The following DIP2C variants were observed in gnomAD, a reference collection of about 807,000 sequenced individuals.
The protein encoded by DIP2C is disco-interacting protein 2 homolog C.
In DIP2C, 33 loss-of-function variants were observed where a neutral mutation model predicts 192.4. The observed-to-expected ratio is 0.17, with a 90% CI of 0.13 to 0.23. DIP2C has a LOEUF of 0.23. Ranked by LOEUF, DIP2C falls within the 10% of genes least tolerant of loss-of-function variation. The pLI is 1.00. For missense variants in DIP2C, 1,537 were observed against 2,110.1 expected (o/e 0.73, Z 5.32); for synonymous variants, 979 against 864.1 (o/e 1.13, Z -2.33).
At chr10:285,923 C>T (rs1341908798) in intron 34 of DIP2C, among the ~76,000 whole-genome samples, 1 of 152,202 alleles carries the variant, frequency 6.6e-6, no homozygotes, top group Non-Finnish European at 1.5e-5. Flanking sequence ...CTGCCACTTT[C>T]CTGGTGAAGG....
intron 1 of DIP2C, among the ~76,000 whole-genome samples, chr10:496,500 C>CTG (rs1481620757): frequency 1.3e-5 from 2 of 151,558 alleles, no homozygotes; most frequent in African/African-American, 2.4e-5. Flanking sequence ...ACAGTGCCCT[C>CTG]CCGTGTACTT....
intron 10 of DIP2C, among the ~76,000 whole-genome samples, chr10:395,885 T>C (rs915672621): frequency 6.6e-6 from 1 of 152,190 alleles, no homozygotes; most frequent in Non-Finnish European, 1.5e-5. Context: ...TGAGAAGTCC[T>C]GGCCTCCTGA....
chr10:524,358 ATTAT>A (rs539226670), intron 1 of DIP2C, among the ~76,000 whole-genome samples: 119 of 152,354 alleles, frequency 7.8e-4, no homozygotes, highest in Admixed American at 1.9e-3. Context: ...CAGCAGGAAA[ATTAT>A]TTAATTACCT....
At chr10:390,985 C>G (rs1410032323) in intron 10 of DIP2C, 122 bp from the exon 11 acceptor site, 1 of 1,417,082 alleles carries the variant, frequency 7.1e-7, no homozygotes, top group African/African-American at 1.4e-5. Flanking sequence ...CAACCCCCAG[C>G]CCTGCTGCTT....
intron 1 of DIP2C, among the ~76,000 whole-genome samples, chr10:561,480 C>T (rs1304209715): frequency 6.6e-6 from 1 of 152,218 alleles, no homozygotes; most frequent in Non-Finnish European, 1.5e-5. Context: ...CGCAACCAAA[C>T]GTGATCAACA....
Position 414,739 on chromosome 10 carries a change from G to GTATATATATATATATATA in DIP2C, c.860-630_860-629insTATATATATATATATATA, listed in dbSNP as rs1554847955. On this transcript the variant is annotated intron_variant, in intron 7 of 36. Coordinates refer to ENST00000280886, the MANE Select transcript of DIP2C (RefSeq NM_014974.3). ...TGTGTGTGTGTGTGTGTGTGTGTGTGTACATATATATATATATAATGTGTA... is the reference window on the plus strand; with the variant it reads ...TGTGTGTGTGTGTGTGTGTGTGTGTGTATATATATATATATATATACATATATATATATATAATGTGTA... 2.0e-3 allele frequency among the ~76,000 whole-genome samples: 179 copies of GTATATATATATATATATA among 90,522 alleles called. 9 individuals carry two copies. The highest frequency in any genetic ancestry group is 6.3e-3 in the Middle Eastern group (1 of 158). 59.4% of individuals were successfully genotyped at this position (90,522 alleles called of 152,430 possible).
At chr10:418,009 G>A (rs370585188) in intron 6 of DIP2C, among the ~76,000 whole-genome samples, 1,055 of 27,326 alleles carry the variant, frequency 0.039, 113 homozygotes, top group Middle Eastern at 0.087. Context: ...CACCTGTCAG[G>A]GCGCGGACAG....
chr10:596,764 A>C (rs549308747), intron 1 of DIP2C, among the ~76,000 whole-genome samples: 2 of 152,164 alleles, frequency 1.3e-5, no homozygotes, highest in African/African-American at 4.8e-5. Flanking sequence ...CGTCTGAGAA[A>C]TAAGGAGCCA....
chr10:456,613 A>C (rs1189993377), intron 3 of DIP2C, among the ~76,000 whole-genome samples: 1 of 152,242 alleles, frequency 6.6e-6, no homozygotes, highest in African/African-American at 2.4e-5. Flanking sequence ...AAGAAAGCCA[A>C]GCCTGGGAGA....
At chr10:432,251 A>G (rs1966865686) in intron 4 of DIP2C, among the ~76,000 whole-genome samples, 1 of 152,176 alleles carries the variant, frequency 6.6e-6, no homozygotes, top group African/African-American at 2.4e-5. Flanking sequence ...GTTCTGAAAG[A>G]GATTGTAGAG....
At chr10:684,073 C>T (rs1418561129) in intron 1 of DIP2C, among the ~76,000 whole-genome samples, 1 of 152,250 alleles carries the variant, frequency 6.6e-6, no homozygotes, top group East Asian at 1.9e-4. Context: ...TGTGGGTTCG[C>T]TTTCCTAGCT....
chr10:324,247 T>A lies in DIP2C; in HGVS notation c.3924+2759A>T, dbSNP rs578247219. ...ACAAACTTTGTCATAAGTTTCTTTGTAGTAAAATTTGACATAGGCTGACAT... is the reference window on the plus strand; with the variant it reads ...ACAAACTTTGTCATAAGTTTCTTTGAAGTAAAATTTGACATAGGCTGACAT... On this transcript the variant is annotated intron_variant, in intron 31 of 36. Transcript: ENST00000280886. 1.8e-4 allele frequency among the ~76,000 whole-genome samples: 28 copies of A among 152,332 alleles called. No homozygotes were observed. The South Asian group carries it at 2.9e-3, about 16-fold the overall frequency.
chr10:364,547 A>G lies in DIP2C; in HGVS notation c.2304T>C (p.Ser768=). 6.2e-7 allele frequency: 1 copy of G among 1,614,120 alleles called. No homozygotes were observed. The highest frequency in any genetic ancestry group is 8.5e-7 in the Non-Finnish European group (1 of 1,180,022). Residue 768 remains serine (S), a synonymous_variant, in exon 20 of 37, where the codon AGT becomes AGC. Transcript: ENST00000280886. ...AGCCTGTCCTTATGAATGGGTATTC[A>G]CTGATCGGAGCCCCGGAGCTTGTCA... is the stretch of plus-strand genomic sequence containing the variant. ...FPMTSSGAPI[S]EYPFIRTGLL...
At chr10:474,192 A>G (rs542729662) in intron 2 of DIP2C, among the ~76,000 whole-genome samples, 59 of 152,330 alleles carry the variant, frequency 3.9e-4, no homozygotes, top group African/African-American at 1.3e-3. Flanking sequence ...TGGCACTTAC[A>G]TTCATAAACA....
intron 17 of DIP2C, among the ~76,000 whole-genome samples, chr10:381,719 A>G (rs928410744): frequency 6.6e-6 from 1 of 152,132 alleles, no homozygotes; most frequent in Admixed American, 6.5e-5. Flanking sequence ...TAATTTAAAA[A>G]CCACACACTG....
At chr10:484,467 T>C (rs993826998) in intron 2 of DIP2C, among the ~76,000 whole-genome samples, 2 of 152,214 alleles carry the variant, frequency 1.3e-5, no homozygotes, top group Non-Finnish European at 2.9e-5. Context: ...AGAATACCAG[T>C]GGCTTTAAGA....
intron 32 of DIP2C, among the ~76,000 whole-genome samples, chr10:306,204 A>G (rs1032399918): frequency 1.3e-5 from 2 of 151,960 alleles, no homozygotes; most frequent in African/African-American, 4.8e-5. Flanking sequence ...AGAAGCAGGG[A>G]GAGTGTGTCC....
chr10:478,525 T>C (rs1038013973), intron 2 of DIP2C, among the ~76,000 whole-genome samples: 20 of 151,380 alleles, frequency 1.3e-4, no homozygotes, highest in Middle Eastern at 6.9e-3. Context: ...ACTCATCCAG[T>C]GTCCAGGCAT....
At chr10:280,637 G>A (rs1416001099) in intron 36 of DIP2C, among the ~76,000 whole-genome samples, 1 of 152,200 alleles carries the variant, frequency 6.6e-6, no homozygotes, top group Non-Finnish European at 1.5e-5. Flanking sequence ...GGGCCAGAGA[G>A]AAAGACAAAG....
Sources: gnomAD v4.1 joint callset for allele counts (sites outside exome capture counted in the v4.1 genomes callset) on GRCh38, gnomAD v4.1.1 for gene constraint, MANE v1.5 for transcripts, NCBI Gene and HGNC (gene_info 2026-07-23, HGNC 2026-07-21) for gene names.